PEX1: variants seen among roughly 807,000 people sequenced by gnomAD.
The protein encoded by PEX1 is peroxisomal ATPase PEX1.
A neutral mutation model predicts 152.5 loss-of-function variants in PEX1; 97 were observed. The observed-to-expected ratio is 0.64, with a 90% CI of 0.54 to 0.75. The LOEUF is 0.75. PEX1 is among the 30% of genes least tolerant of loss of function. The probability of loss-of-function intolerance (pLI) is 0.00; values close to 1 mark genes in which losing one functional copy is unlikely to be tolerated. For missense variants in PEX1, 1,357 were observed against 1,516.3 expected, an observed-to-expected ratio of 0.89 and a Z score of 1.74; for synonymous variants, 485 against 531.6, an observed-to-expected ratio of 0.91 and a Z score of 1.21.
intron 20 of PEX1, among the ~76,000 whole-genome samples, chr7:92,492,071 T>C (rs148039311): frequency 3.9e-5 from 6 of 152,328 alleles, no homozygotes; most frequent in Non-Finnish European, 7.4e-5. Context: ...CTACTGTAAA[T>C]ATTAAAATCA....
chr7:92,495,275 A>C (rs991330699), intron 17 of PEX1, among the ~76,000 whole-genome samples: 2 of 152,306 alleles, frequency 1.3e-5, no homozygotes, highest in Admixed American at 1.3e-4. Flanking sequence ...GGTGGACTAG[A>C]TGTCTGGCGA....
rs113104510 is a variant in PEX1 at position 92,518,266 on chromosome 7, C to A, written c.358-11G>T. 2 of 1,477,572 alleles carry A rather than the reference C, an allele frequency of 1.4e-6. No individual in the cohort carries two copies. The highest frequency in any genetic ancestry group is 2.3e-5 in the South Asian group (2 of 88,286). The allele number at this position is 1,477,572 out of a possible 1,614,324, so 91.5% of individuals were successfully genotyped here. Reference sequence around the variant, plus strand: ...AACAGCATGCAGCTCCTAGAACCAACAGACGAAAAGATCAATTCACTTTAC... The same window carrying A: ...AACAGCATGCAGCTCCTAGAACCAAAAGACGAAAAGATCAATTCACTTTAC... On this transcript the variant is annotated splice_polypyrimidine_tract_variant and intron_variant, in intron 3 of 23. Coordinates refer to ENST00000248633, the MANE Select transcript of PEX1 (RefSeq NM_000466.3).
rs981072523 is a variant in PEX1 at position 92,501,598 on chromosome 7, A to G, written c.2492T>C (p.Leu831Pro). The G allele has an allele frequency of 6.2e-7, 1 of 1,613,870 alleles. No homozygotes were observed. Among genetic ancestry groups the G allele is most frequent in the African/African-American group, 1.3e-5 (1 of 75,040 alleles). Reference sequence around the variant, plus strand: ...CCAACCCAGGTCTCTAGGTTTATGCAGGTTGACACTTCGCAAAGACGCAGG... The same window carrying G: ...CCAACCCAGGTCTCTAGGTTTATGCGGGTTGACACTTCGCAAAGACGCAGG... ...FLPASLRSVN[L>P]HKPRDLGWDK... The change falls in exon 15 of 24, where the codon CTG becomes CCG. Residue 831 changes from leucine to proline, a missense_variant. Coordinates refer to ENST00000248633, the MANE Select transcript of PEX1 (RefSeq NM_000466.3).
rs764752742 is a variant in PEX1, at chr7:92,489,710, A to G, written c.3636+4T>C. 5 of 1,611,898 alleles carry G rather than the reference A, an allele frequency of 3.1e-6. No individual in the cohort carries two copies. The African/African-American group carries it at 5.3e-5, about 17-fold the overall frequency. On this transcript the variant is annotated splice_donor_region_variant and intron_variant, in intron 22 of 23. Transcript: ENST00000248633. The stretch of plus-strand genomic sequence containing the variant: ...CAATTATAATGAGGGGGAAAAAGCC[A>G]TACTCCACTTTGGCTCCGGTATCTG...
chr7:92,523,333 T>G (rs568731132), intron 1 of PEX1, among the ~76,000 whole-genome samples: 29 of 152,298 alleles, frequency 1.9e-4, no homozygotes, highest in African/African-American at 5.8e-4. Context: ...GAACTTTTTT[T>G]TTTTTTGAGA....
chr7:92,499,948 C>G (rs1791847693), intron 15 of PEX1, 110 bp from the exon 16 acceptor site: 6 of 808,412 alleles, frequency 7.4e-6, no homozygotes, highest in Non-Finnish European at 1.2e-5. Flanking sequence ...GTAATCACGA[C>G]CATCTTTCTT....
rs267608175 is a variant in PEX1, at chr7:92,517,276, C to T, written c.1239G>A (p.Trp413Ter). ...CCCAAGTTATAAAATTTATACTAAC[C>T]CAGACTTTCCCAAGATGGAGAACTT... ...NVEVLHLGKV[W>*]IPDDLRKRLN... Residue 413 changes from tryptophan to a stop codon, truncating the protein, a stop_gained and splice_region_variant, in exon 5 of 24, where the codon TGG becomes TGA. Coordinates refer to ENST00000248633, the MANE Select transcript of PEX1 (RefSeq NM_000466.3). LOFTEE classifies it high-confidence loss of function. 4.3e-6 allele frequency: 7 copies of T among 1,611,958 alleles called. No homozygotes were observed. The highest frequency in any genetic ancestry group is 1.3e-5 in the African/African-American group (1 of 74,854).
At position 92,518,167 on chromosome 7, in the gene PEX1, TG is replaced by T; in HGVS notation, c.445del (p.Gln149AsnfsTer12). 1 of 1,613,288 alleles carries T rather than the reference TG, an allele frequency of 6.2e-7. No individual in the cohort carries two copies. The highest frequency in any genetic ancestry group is 8.5e-7 in the Non-Finnish European group (1 of 1,179,224). The part of the protein sequence containing the change: ...PKAIFPVWVD[Q>X]QTYIFIQIVA... The stretch of plus-strand genomic sequence containing the variant: ...AATTTGGATAAATATGTACGTTTGT[TG>T]ATCAACCCAAACAGGAAAAATGGCT... On this transcript the variant is annotated frameshift_variant, in exon 4 of 24. Coordinates refer to ENST00000248633, the MANE Select transcript of PEX1 (RefSeq NM_000466.3). LOFTEE classifies it high-confidence loss of function.
In PEX1 at chr7:92,509,424, G is replaced by A; in HGVS notation, c.1588-13C>T. 1 of 1,580,312 alleles carries A rather than the reference G, an allele frequency of 6.3e-7. No homozygotes were observed. Among genetic ancestry groups the A allele is most frequent in the Non-Finnish European group, 8.7e-7 (1 of 1,150,098 alleles). On this transcript the variant is annotated splice_polypyrimidine_tract_variant and intron_variant, in intron 8 of 23. Transcript: ENST00000248633. ...GATCTAGAAGGACCTACAGTTGCAA[G>A]GAAAAATCAGTTTTACATTTCAAAG...
rs1254685120 is a variant in PEX1, at chr7:92,520,604, T to C, written c.273+1498A>G. Among the ~76,000 whole-genome samples, 9 of 152,212 alleles carry C rather than the reference T, an allele frequency of 5.9e-5. 1 individual carries two copies. Among genetic ancestry groups the C allele is most frequent in the Admixed American group, 3.9e-4 (6 of 15,282 alleles). ...TTCAGTCCACATATATATCTGATTCTGAGAAAGCACAAAGCAGCTCCTGCC... is the reference window on the plus strand; with the variant it reads ...TTCAGTCCACATATATATCTGATTCCGAGAAAGCACAAAGCAGCTCCTGCC... On this transcript the variant is annotated intron_variant, in intron 2 of 23. Transcript: ENST00000248633.
rs1328508158 is a variant in PEX1 at position 92,503,198 on chromosome 7, G to T, written c.2072-3C>A. 1 of 1,612,398 alleles carries T rather than the reference G, an allele frequency of 6.2e-7. No homozygotes were observed. ...CTCTTTTATCATATCATTCAAAGCT[G>T]GAATTAAGCAATATAGTGCAAAAGC... On this transcript the variant is annotated splice_region_variant and splice_polypyrimidine_tract_variant and intron_variant, in intron 12 of 23. Coordinates refer to ENST00000248633, the MANE Select transcript of PEX1 (RefSeq NM_000466.3).
intron 8 of PEX1, 23 bp from the exon 9 acceptor site, chr7:92,509,434 G>A: frequency 6.5e-7 from 1 of 1,534,034 alleles, no homozygotes; most frequent in Non-Finnish European, 9.0e-7. Flanking sequence ...GGAAAAATCA[G>A]TTTTACATTT....
intron 5 of PEX1, among the ~76,000 whole-genome samples, chr7:92,515,073 A>C (rs1189464106): frequency 0.33 from 281 of 862 alleles, 4 homozygotes; most frequent in Non-Finnish European, 0.37. Flanking sequence ...TTATCTATAT[A>C]TATATATATA....
intron 14 of PEX1, 48 bp downstream of exon 14, chr7:92,501,842 C>T (rs1336925181): frequency 6.6e-7 from 1 of 1,515,686 alleles, no homozygotes; most frequent in African/African-American, 1.4e-5. Context: ...TACATTTCTC[C>T]ACAATAGAAA....
At chr7:92,491,203 T>C in intron 21 of PEX1, 69 bp downstream of exon 21, 1 of 1,078,558 alleles carries the variant, frequency 9.3e-7, no homozygotes, top group East Asian at 2.4e-5. Flanking sequence ...AGGAGAGAAA[T>C]CACTGCAACT....
intron 5 of PEX1, among the ~76,000 whole-genome samples, chr7:92,514,777 C>T (rs1287118521): frequency 8.5e-5 from 13 of 152,064 alleles, no homozygotes; most frequent in Non-Finnish European, 5.9e-5. Context: ...CTCAGCCGGG[C>T]GCAGTGGCTC....
At chr7:92,497,808 G>A (rs1363800395) in intron 16 of PEX1, among the ~76,000 whole-genome samples, 2 of 152,098 alleles carry the variant, frequency 1.3e-5, no homozygotes, top group Non-Finnish European at 2.9e-5. Context: ...GGTGGTTCTC[G>A]CCTGTAATCC....
At chr7:92,490,407 C>A (rs905305573) in intron 21 of PEX1, among the ~76,000 whole-genome samples, 5 of 151,878 alleles carry the variant, frequency 3.3e-5, no homozygotes, top group Non-Finnish European at 7.4e-5. Flanking sequence ...GGTCAAGGCA[C>A]GCAGATAGCT....
chr7:92,488,164 A>G (rs1451688549), intron 23 of PEX1, among the ~76,000 whole-genome samples: 3 of 152,340 alleles, frequency 2.0e-5, no homozygotes, highest in Admixed American at 2.0e-4. Flanking sequence ...AATTTTCAGG[A>G]TGTATGTGGA....
Sources: gnomAD v4.1 joint callset for allele counts (sites outside exome capture counted in the v4.1 genomes callset) on GRCh38, gnomAD v4.1.1 for gene constraint, MANE v1.5 for transcripts, NCBI Gene and HGNC (gene_info 2026-07-23, HGNC 2026-07-21) for gene names.